The following DCDC2C variants were observed in gnomAD, a reference collection of about 807,000 sequenced individuals.
DCDC2C encodes doublecortin domain containing 2C, also known as doublecortin domain-containing protein 2C.
A neutral mutation model predicts 45.0 loss-of-function variants in DCDC2C; 44 were observed. That is an observed-to-expected ratio of 0.98 (90% CI 0.77 to 1.26). The LOEUF is 1.26. Among genes scored for constraint, DCDC2C ranks in the 50% most tolerant of loss-of-function variants. The pLI, the probability that DCDC2C is intolerant of heterozygous loss-of-function variation, is 0.00. For synonymous variants in DCDC2C, 187 were observed against 178.8 expected (o/e 1.05, Z -0.37); for missense variants, 447 against 468.9 (o/e 0.95, Z 0.43).
At chr2:3,729,957 C>T (rs1668814505) in intron 3 of DCDC2C, among the ~76,000 whole-genome samples, 1 of 152,172 alleles carries the variant, frequency 6.6e-6, no homozygotes, top group South Asian at 2.1e-4. Context: ...TCAGTCCCTC[C>T]TCTTGTTCAT....
chr2:3,784,883 G>A (rs1670609654), intron 9 of DCDC2C, among the ~76,000 whole-genome samples, 176 bp from the exon 10 acceptor site: 1 of 152,210 alleles, frequency 6.6e-6, no homozygotes, highest in East Asian at 1.9e-4. Flanking sequence ...GAGGAACAGA[G>A]CAGTGAGTCA....
At position 3,735,743 on chromosome 2, in the gene DCDC2C, A is replaced by C. The variant is rs1167161330; in HGVS notation, c.417-6177A>C. 1.3e-5 allele frequency among the ~76,000 whole-genome samples: 2 copies of C among 152,128 alleles called. 1 individual carries two copies. The highest frequency in any genetic ancestry group is 4.8e-5 in the African/African-American group (2 of 41,424). The stretch of plus-strand genomic sequence containing the variant: ...CACACATTGATGATGACTGTGAAAT[A>C]CTGTGTGTTAAAAGTGATCACGGCC... On this transcript the variant is annotated intron_variant, in intron 3 of 10. Coordinates refer to ENST00000399143, the MANE Select transcript of DCDC2C (RefSeq NM_001287444.2).
intron 4 of DCDC2C, chr2:3,752,530 A>G (rs1444663939): frequency 1.7e-6 from 1 of 603,724 alleles, no homozygotes; most frequent in South Asian, 1.6e-5. Context: ...GCACTTGTAT[A>G]TAATTAAAAA....
intron 2 of DCDC2C, among the ~76,000 whole-genome samples, chr2:3,714,491 T>G (rs1668299245): frequency 6.6e-6 from 1 of 151,726 alleles, no homozygotes; most frequent in Admixed American, 6.6e-5. Context: ...AATTCAATGT[T>G]TTTTCCCCCC....
chr2:3,705,063 G>A (rs1452851693), intron 1 of DCDC2C, among the ~76,000 whole-genome samples: 5 of 152,172 alleles, frequency 3.3e-5, no homozygotes, highest in Admixed American at 2.6e-4. Flanking sequence ...TCCCCAGAGA[G>A]AATTTCCATT....
chr2:3,751,961 G>A (rs893708483), intron 4 of DCDC2C, among the ~76,000 whole-genome samples: 2 of 152,196 alleles, frequency 1.3e-5, no homozygotes, highest in African/African-American at 4.8e-5. Context: ...AGCTGTGCCT[G>A]CACCTCACCC....
At chr2:3,717,861 C>A (rs1233192966) in intron 2 of DCDC2C, among the ~76,000 whole-genome samples, 23 of 152,184 alleles carry the variant, frequency 1.5e-4, no homozygotes, top group Non-Finnish European at 2.9e-5. Flanking sequence ...GCATGCTGTT[C>A]CTTCTGCCTT....
intron 10 of DCDC2C, among the ~76,000 whole-genome samples, chr2:3,837,603 A>G (rs1672112345): frequency 1.3e-5 from 2 of 148,988 alleles, no homozygotes; most frequent in Admixed American, 6.7e-5. Context: ...GTTCTCATCT[A>G]AAGGGGAAGA....
intron 6 of DCDC2C, among the ~76,000 whole-genome samples, chr2:3,757,556 A>G (rs1669754653): frequency 6.6e-6 from 1 of 152,212 alleles, no homozygotes; most frequent in Non-Finnish European, 1.5e-5. Context: ...GACCCACAGG[A>G]TATCAGGCCG....
Position 3,818,953 on chromosome 2 carries a change from G to T in DCDC2C, c.1066-28201G>T, listed in dbSNP as rs1671622857. On this transcript the variant is annotated intron_variant, in intron 10 of 10. Coordinates refer to ENST00000399143, the MANE Select transcript of DCDC2C (RefSeq NM_001287444.2). This position sits in a 1 kb window ranked among gnomAD's most constrained non-coding sequence, Gnocchi z 4.7. Reference sequence around the variant, plus strand: ...GAATATTGTTTACGTTGGCACCAGAGTTGTGGAGTTTTAAGAGGTTTAGAA... The same window carrying T: ...GAATATTGTTTACGTTGGCACCAGATTTGTGGAGTTTTAAGAGGTTTAGAA... Among the ~76,000 whole-genome samples, 1 of 152,188 alleles carries T rather than the reference G, an allele frequency of 6.6e-6. No individual in the cohort carries two copies. The highest frequency in any genetic ancestry group is 2.4e-5 in the African/African-American group (1 of 41,424).
chr2:3,803,933 G>T (rs1004854428), intron 10 of DCDC2C, among the ~76,000 whole-genome samples: 123 of 152,328 alleles, frequency 8.1e-4, no homozygotes, highest in African/African-American at 2.8e-3. Flanking sequence ...TTATGTCACT[G>T]CTCTGTTTGA....
chr2:3,767,127 A>G (rs1160846661), intron 6 of DCDC2C, among the ~76,000 whole-genome samples: 1 of 152,246 alleles, frequency 6.6e-6, no homozygotes, highest in Non-Finnish European at 1.5e-5. Context: ...TTTTGACTTT[A>G]GATACTTTCA....
intron 2 of DCDC2C, among the ~76,000 whole-genome samples, chr2:3,710,815 A>G (rs935410396): frequency 1.3e-5 from 2 of 152,222 alleles, no homozygotes; most frequent in Non-Finnish European, 2.9e-5. Context: ...GCTGCATAGT[A>G]TTCCACGGTG....
intron 8 of DCDC2C, among the ~76,000 whole-genome samples, chr2:3,774,600 G>A (rs1021618526): frequency 1.3e-5 from 2 of 152,192 alleles, no homozygotes; most frequent in African/African-American, 4.8e-5. Flanking sequence ...GGCTTTCCCA[G>A]GGACCCCTCT....
At chr2:3,711,862 G>T (rs993497737) in intron 2 of DCDC2C, among the ~76,000 whole-genome samples, 1 of 152,150 alleles carries the variant, frequency 6.6e-6, no homozygotes. Context: ...AACTTACATT[G>T]CTTCTGACAG....
intron 1 of DCDC2C, among the ~76,000 whole-genome samples, chr2:3,705,334 C>A (rs1243269389): frequency 6.6e-6 from 1 of 152,134 alleles, no homozygotes; most frequent in Non-Finnish European, 1.5e-5. Flanking sequence ...CTATGATAAT[C>A]CTGTTATGTA....
intron 7 of DCDC2C, among the ~76,000 whole-genome samples, 174 bp downstream of exon 7, chr2:3,768,054 GA>G (rs529382415): frequency 2.0e-5 from 3 of 151,142 alleles, no homozygotes; most frequent in East Asian, 1.9e-4. Context: ...TGGCAGAGCA[GA>G]AAAAAAACAT....
intron 2 of DCDC2C, among the ~76,000 whole-genome samples, chr2:3,723,474 A>T (rs547877616): frequency 6.6e-6 from 1 of 152,302 alleles, no homozygotes; most frequent in Non-Finnish European, 1.5e-5. Flanking sequence ...ATGTTTCAGG[A>T]ACTGCAAGAA....
At chr2:3,800,111 G>T in intron 10 of DCDC2C, among the ~76,000 whole-genome samples, 1 of 152,202 alleles carries the variant, frequency 6.6e-6, no homozygotes, top group East Asian at 1.9e-4. Context: ...GCAGTATTCG[G>T]GTGGGAGTGA....
Sources: gnomAD v4.1 joint callset for allele counts (sites outside exome capture counted in the v4.1 genomes callset) on GRCh38, gnomAD v4.1.1 for gene constraint, Gnocchi (gnomAD v3.1) non-coding constraint, MANE v1.5 for transcripts, NCBI Gene and HGNC (gene_info 2026-07-23, HGNC 2026-07-21) for gene names.